MTMR12: variants seen among roughly 807,000 people sequenced by gnomAD.
MTMR12 encodes the protein myotubularin-related protein 12.
In MTMR12, 33 loss-of-function variants were observed where a neutral mutation model predicts 96.7. That is an observed-to-expected ratio of 0.34 (90% CI 0.26 to 0.46). The LOEUF (loss-of-function observed/expected upper bound fraction) is 0.46, where lower values mean the gene tolerates loss of function less well. Among genes scored for constraint, MTMR12 ranks in the 20% least tolerant of loss-of-function variants. MTMR12 has a pLI of 1.00. For missense variants in MTMR12, 721 were observed against 896.1 expected (o/e 0.80, Z 2.49); for synonymous variants, 298 against 327.2 (o/e 0.91, Z 0.96).
rs1444354259 is a variant in MTMR12, at chr5:32,228,525, CATATATATG to C, written c.*1244_*1252del. The C allele has an allele frequency of 2.4e-5, 2 of 84,166 alleles. No homozygotes were observed. The highest frequency in any genetic ancestry group is 4.8e-4 in the South Asian group (1 of 2,102). The allele number at this position is 84,166 out of a possible 1,614,324, so 5.2% of individuals were successfully genotyped here. ...TTCCTGCATTAAAAAAAATATATAT[CATATATATG>C]ATATATATATCATATATATGTGATA... On this transcript the variant is annotated 3_prime_UTR_variant, in exon 16 of 16. Coordinates refer to ENST00000382142, the MANE Select transcript of MTMR12 (RefSeq NM_001040446.3).
Position 32,312,636 on chromosome 5 carries a change from C to T in MTMR12, c.81+122G>A, listed in dbSNP as rs1366934104. 1.1e-6 allele frequency: 1 copy of T among 931,142 alleles called. No individual in the cohort carries two copies. The highest frequency in any genetic ancestry group is 1.8e-5 in the African/African-American group (1 of 56,790). The allele number at this position is 931,142 out of a possible 1,614,324, so 57.7% of individuals were successfully genotyped here. On this transcript the variant is annotated intron_variant, in intron 1 of 15. Transcript: ENST00000382142. The surrounding 1 kb of genome is among the most constrained non-coding windows in gnomAD (Gnocchi z 5.0). ...TGCGGCCTCAGCCCGCCTGGCTGCCCCGTCGCCCGGCACAAGGGCAGGAAG... is the reference window on the plus strand; with the variant it reads ...TGCGGCCTCAGCCCGCCTGGCTGCCTCGTCGCCCGGCACAAGGGCAGGAAG...
chr5:32,258,652 C>A (rs1749233033), intron 7 of MTMR12, among the ~76,000 whole-genome samples: 2 of 152,290 alleles, frequency 1.3e-5, no homozygotes. Flanking sequence ...AGCGATTAGA[C>A]ACACATTAAA....
intron 1 of MTMR12, among the ~76,000 whole-genome samples, chr5:32,296,775 T>A (rs1254303917): frequency 6.7e-6 from 1 of 149,288 alleles, no homozygotes; most frequent in African/African-American, 2.5e-5. Flanking sequence ...CACTCCAGCC[T>A]GGGTAACAGA....
At position 32,235,797 on chromosome 5, in the gene MTMR12, G is replaced by A. The variant is rs141081838; in HGVS notation, c.1345-668C>T. Reference sequence around the variant, plus strand: ...GCTCCCAGAGGCGAGCCCTTGATGAGCAGGGAGAGTAGTTTCTAGTGTGCT... The same window carrying A: ...GCTCCCAGAGGCGAGCCCTTGATGAACAGGGAGAGTAGTTTCTAGTGTGCT... On this transcript the variant is annotated intron_variant, in intron 13 of 15. Coordinates refer to ENST00000382142, the MANE Select transcript of MTMR12 (RefSeq NM_001040446.3). Among the ~76,000 whole-genome samples, 80 of 152,344 alleles carry A rather than the reference G, an allele frequency of 5.3e-4. 2 individuals are homozygous for A. The East Asian group carries it at 0.015, about 28-fold the overall frequency.
intron 12 of MTMR12, among the ~76,000 whole-genome samples, chr5:32,239,905 T>A (rs967685792): frequency 6.6e-6 from 1 of 152,218 alleles, no homozygotes; most frequent in African/African-American, 2.4e-5. Flanking sequence ...TCCACTCACA[T>A]ACTTGTTTAA....
chr5:32,231,583 T>C (rs1160936215), intron 15 of MTMR12, among the ~76,000 whole-genome samples: 1 of 152,208 alleles, frequency 6.6e-6, no homozygotes, highest in African/African-American at 2.4e-5. Context: ...TTTCCATCAA[T>C]GGTTCTTCCT....
Position 32,227,071 on chromosome 5 carries a change from TTTCA to T in MTMR12, c.*2703_*2706del, listed in dbSNP as rs1489988424. ...GATGCAGTGAGATACAAGTATAAACTTTCATTGTGCATCCAGAAAATAAAAAGCA... is the reference window on the plus strand; with the variant it reads ...GATGCAGTGAGATACAAGTATAAACTTTGTGCATCCAGAAAATAAAAAGCA... On this transcript the variant is annotated 3_prime_UTR_variant, in exon 16 of 16. Transcript: ENST00000382142. 2 of 152,804 alleles carry T rather than the reference TTTCA, an allele frequency of 1.3e-5. No individual in the cohort carries two copies. The highest frequency in any genetic ancestry group is 2.9e-5 in the Non-Finnish European group (2 of 68,038). The allele number at this position is 152,804 out of a possible 1,614,324, so 9.5% of individuals were successfully genotyped here.
chr5:32,263,274 T>C, intron 6 of MTMR12, 32 bp from the exon 7 acceptor site: 1 of 1,611,878 alleles, frequency 6.2e-7, no homozygotes, highest in Non-Finnish European at 8.5e-7. Flanking sequence ...GACAATAAAA[T>C]CTTTCCATGA....
Position 32,312,701 on chromosome 5 carries a change from G to A in MTMR12, c.81+57C>T. 1 of 1,340,394 alleles carries A rather than the reference G, an allele frequency of 7.5e-7. No individual in the cohort carries two copies. The highest frequency in any genetic ancestry group is 3.1e-5 in the East Asian group (1 of 32,398). The allele number at this position is 1,340,394 out of a possible 1,614,324, so 83.0% of individuals were successfully genotyped here. ...CCCCGCTGCAAGGAAGGGGCTCCCG[G>A]CGCCCCTCGCCCCGGCCGCCCCTGC... On this transcript the variant is annotated intron_variant, in intron 1 of 15. Transcript: ENST00000382142. This position sits in a 1 kb window ranked among gnomAD's most constrained non-coding sequence, Gnocchi z 5.0.
chr5:32,295,873 G>A (rs1156371164), intron 1 of MTMR12, among the ~76,000 whole-genome samples: 3 of 152,158 alleles, frequency 2.0e-5, no homozygotes, highest in Admixed American at 6.5e-5. Flanking sequence ...CTTTATTAAG[G>A]CTGGGCATGG....
At chr5:32,238,764 T>C (rs1748340153) in intron 13 of MTMR12, among the ~76,000 whole-genome samples, 1 of 152,226 alleles carries the variant, frequency 6.6e-6, no homozygotes, top group South Asian at 2.1e-4. Context: ...ACCCTTGGTG[T>C]ACACAATTTA....
chr5:32,292,772 G>A (rs1029314057), intron 1 of MTMR12, among the ~76,000 whole-genome samples: 1 of 152,086 alleles, frequency 6.6e-6, no homozygotes, highest in East Asian at 1.9e-4. Context: ...AAAAAACCAC[G>A]ACCTGCTGAG....
chr5:32,275,502 T>C (rs77977445), intron 2 of MTMR12, among the ~76,000 whole-genome samples: 2,627 of 152,308 alleles, frequency 0.017, 83 homozygotes, highest in African/African-American at 0.06. Context: ...TAGCATGCAC[T>C]AGCTAATACA....
intron 7 of MTMR12, among the ~76,000 whole-genome samples, chr5:32,261,904 C>T (rs533855297): frequency 1.6e-3 from 247 of 152,318 alleles, no homozygotes; most frequent in African/African-American, 5.7e-3. Context: ...AACCCTGTCT[C>T]TACTAAAAAC....
chr5:32,240,122 C>T (rs894520835), intron 12 of MTMR12, among the ~76,000 whole-genome samples: 3 of 152,068 alleles, frequency 2.0e-5, no homozygotes, highest in Admixed American at 1.3e-4. Context: ...AATTGTAGGC[C>T]GGGCGCGGTG....
At chr5:32,236,759 C>G (rs940820026) in intron 13 of MTMR12, among the ~76,000 whole-genome samples, 5 of 151,752 alleles carry the variant, frequency 3.3e-5, no homozygotes, top group Admixed American at 6.6e-5. Context: ...ATCACTTGAA[C>G]CCAGGAAGAG....
intron 1 of MTMR12, among the ~76,000 whole-genome samples, chr5:32,286,067 C>A (rs1464649274): frequency 6.6e-6 from 1 of 152,316 alleles, no homozygotes; most frequent in South Asian, 2.1e-4. Context: ...AGGCCAGGCA[C>A]AGTGGCTCAT....
chr5:32,305,250 G>A (rs543999299), intron 1 of MTMR12, among the ~76,000 whole-genome samples: 30 of 152,060 alleles, frequency 2.0e-4, no homozygotes, highest in Middle Eastern at 6.8e-3. Flanking sequence ...TACCACGCCC[G>A]GCTAATTTTT....
rs1411924293 is a variant in MTMR12, at chr5:32,233,835, T to G, written c.1612A>C (p.Asn538His). The G allele has an allele frequency of 6.2e-7, 1 of 1,614,188 alleles. No individual in the cohort carries two copies. The highest frequency in any genetic ancestry group is 8.5e-7 in the Non-Finnish European group (1 of 1,180,032). The change falls in exon 15 of 16, where the codon AAC becomes CAC. Residue 538 changes from asparagine (N) to histidine (H), a missense_variant. Physicochemically the swap from Asn to His is moderately conservative, Grantham distance 68. Transcript: ENST00000382142. This position sits in a 1 kb window ranked among gnomAD's most constrained non-coding sequence, Gnocchi z 5.0. ...TTTGGCTTTTCCACATAAAGAGGGTTTTTGAGCAATGTCTGGGCTTTGGGT... is the reference window on the plus strand; with the variant it reads ...TTTGGCTTTTCCACATAAAGAGGGTGTTTGAGCAATGTCTGGGCTTTGGGT... Reference protein sequence around the residue: ...FEPKAQTLLKNPLYVEKPKLD... With the variant: ...FEPKAQTLLKHPLYVEKPKLD...
Sources: gnomAD v4.1 joint callset for allele counts (sites outside exome capture counted in the v4.1 genomes callset) on GRCh38, gnomAD v4.1.1 for gene constraint, Gnocchi (gnomAD v3.1) non-coding constraint, MANE v1.5 for transcripts, NCBI Gene and HGNC (gene_info 2026-07-23, HGNC 2026-07-21) for gene names.